Variants in SH3BGRL2 observed in about 807,000 individuals in gnomAD.
The protein encoded by SH3BGRL2 is SH3 domain-binding glutamic acid-rich-like protein 2.
In SH3BGRL2, 21 loss-of-function variants were observed where a neutral mutation model predicts 14.8. The observed-to-expected ratio is 1.42, with a 90% CI of 1.01 to 2.05. The LOEUF (loss-of-function observed/expected upper bound fraction) is 2.05, where lower values mean the gene tolerates loss of function less well. Ranked by LOEUF, SH3BGRL2 falls within the 30% of genes most tolerant of loss-of-function variation. The pLI is 0.00. For synonymous variants in SH3BGRL2, 50 were observed against 47.8 expected (o/e 1.05, Z -0.19); for missense variants, 147 against 130.8 (o/e 1.12, Z -0.61).
At chr6:79,618,076 T>C in the SH3BGRL2 span, among the ~76,000 whole-genome samples, 2 of 152,238 alleles carry the variant, frequency 1.3e-5, no homozygotes, top group African/African-American at 4.8e-5. Flanking sequence ...TAATTTCTTC[T>C]TTATTTATTT....
At chr6:79,567,501 A>G in the SH3BGRL2 span, among the ~76,000 whole-genome samples, 21 of 152,372 alleles carry the variant, frequency 1.4e-4, no homozygotes, top group African/African-American at 4.8e-4. Flanking sequence ...ACAGGCCTTT[A>G]CATATGTGAA....
chr6:79,573,018 C>T, the SH3BGRL2 span, among the ~76,000 whole-genome samples: 3 of 152,158 alleles, frequency 2.0e-5, no homozygotes, highest in Admixed American at 1.3e-4. Context: ...CTAATTGATT[C>T]ATAATCTTTT....
intron 1 of SH3BGRL2, among the ~76,000 whole-genome samples, chr6:79,664,717 C>T (rs1244629844): frequency 1.3e-5 from 2 of 152,186 alleles, no homozygotes; most frequent in African/African-American, 4.8e-5. Flanking sequence ...TAGTTGAAAT[C>T]ATGTTATGTT....
chr6:79,664,276 C>T (rs141654291), intron 1 of SH3BGRL2, among the ~76,000 whole-genome samples: 4 of 152,230 alleles, frequency 2.6e-5, no homozygotes, highest in African/African-American at 7.2e-5. Context: ...CAGACTGGAG[C>T]TGTTCCTATT....
upstream of SH3BGRL2, among the ~76,000 whole-genome samples, chr6:79,630,777 G>A (rs958134869): frequency 6.6e-6 from 1 of 152,164 alleles, no homozygotes; most frequent in African/African-American, 2.4e-5. Context: ...GTACAGACAA[G>A]AGAAGACCTC....
chr6:79,622,572 T>TGC, the SH3BGRL2 span, among the ~76,000 whole-genome samples: 15 of 152,204 alleles, frequency 9.9e-5, no homozygotes, highest in Non-Finnish European at 1.5e-5. Context: ...TTCCAGTTTG[T>TGC]GCTAGCTAAA....
chr6:79,601,321 T>C, the SH3BGRL2 span, among the ~76,000 whole-genome samples: 5 of 152,162 alleles, frequency 3.3e-5, no homozygotes, highest in Non-Finnish European at 7.4e-5. Context: ...CCCAAGTAGC[T>C]GGGACTATAG....
the SH3BGRL2 span, among the ~76,000 whole-genome samples, chr6:79,625,646 G>T: frequency 3.3e-5 from 5 of 152,158 alleles, no homozygotes; most frequent in African/African-American, 1.2e-4. Context: ...TATATGCTTT[G>T]TGTGAATGCA....
the SH3BGRL2 span, among the ~76,000 whole-genome samples, chr6:79,608,473 T>A: frequency 1.3e-5 from 2 of 151,814 alleles, no homozygotes; most frequent in African/African-American, 4.8e-5. Flanking sequence ...GCATTAGCTT[T>A]CTGTAGACAA....
At chr6:79,578,437 A>G in the SH3BGRL2 span, among the ~76,000 whole-genome samples, 150,570 of 152,274 alleles carry the variant, frequency 0.99, 74,465 homozygotes, top group East Asian at 1. Flanking sequence ...AGGAAGGATC[A>G]GGCAGCAATA....
the SH3BGRL2 span, among the ~76,000 whole-genome samples, chr6:79,586,127 C>T: frequency 4.1e-5 from 6 of 145,770 alleles, no homozygotes; most frequent in East Asian, 1.1e-3. Context: ...ACCCGGGAGG[C>T]GGAGGTTGCG....
At chr6:79,667,932 GC>G (rs1769693208) in intron 1 of SH3BGRL2, among the ~76,000 whole-genome samples, 1 of 151,590 alleles carries the variant, frequency 6.6e-6, no homozygotes, top group Non-Finnish European at 1.5e-5. Flanking sequence ...GTCCTCTGTG[GC>G]TCATTTGTCT....
the SH3BGRL2 span, among the ~76,000 whole-genome samples, chr6:79,621,331 G>A: frequency 2.6e-5 from 4 of 152,126 alleles, no homozygotes; most frequent in Non-Finnish European, 5.9e-5. Flanking sequence ...AGATTATTAG[G>A]TCATGAAGGT....
chr6:79,549,829 C>G, the SH3BGRL2 span, among the ~76,000 whole-genome samples: 1 of 151,894 alleles, frequency 6.6e-6, no homozygotes, highest in Non-Finnish European at 1.5e-5. Flanking sequence ...GAGTAACCAC[C>G]ACAAACAAAT....
At chr6:79,674,947 T>C (rs1433785674) in intron 2 of SH3BGRL2, among the ~76,000 whole-genome samples, 1 of 152,176 alleles carries the variant, frequency 6.6e-6, no homozygotes, top group East Asian at 1.9e-4. Flanking sequence ...TATATAAAAA[T>C]GAAAATTGTT....
At chr6:79,664,109 C>G (rs1218462904) in intron 1 of SH3BGRL2, among the ~76,000 whole-genome samples, 1 of 152,226 alleles carries the variant, frequency 6.6e-6, no homozygotes, top group Non-Finnish European at 1.5e-5. Context: ...AATCCCCCAA[C>G]CCCTGTCCTT....
At chr6:79,568,734 AAACT>A in the SH3BGRL2 span, among the ~76,000 whole-genome samples, 1 of 152,104 alleles carries the variant, frequency 6.6e-6, no homozygotes, top group Admixed American at 6.6e-5. Context: ...TACTCTTTTT[AAACT>A]AACTTTTTAA....
upstream of SH3BGRL2, among the ~76,000 whole-genome samples, chr6:79,629,632 A>G (rs930626859): frequency 6.6e-6 from 1 of 152,192 alleles, no homozygotes; most frequent in Non-Finnish European, 1.5e-5. Flanking sequence ...CACCCTGAAT[A>G]GTCTCACCCT....
chr6:79,595,582 A>G, the SH3BGRL2 span, among the ~76,000 whole-genome samples: 2 of 152,224 alleles, frequency 1.3e-5, no homozygotes, highest in Non-Finnish European at 2.9e-5. Context: ...AAACCATATG[A>G]TCATTTCAGT....
Sources: allele counts gnomAD v4.1 joint callset (sites outside exome capture counted in the v4.1 genomes callset), GRCh38; gene constraint gnomAD v4.1.1; transcripts MANE v1.5; gene names NCBI Gene and HGNC (gene_info 2026-07-23, HGNC 2026-07-21).